IQCK: variants seen among roughly 807,000 people sequenced by gnomAD.
IQCK encodes IQ domain-containing protein K.
In IQCK, 29 loss-of-function variants were observed where a neutral mutation model predicts 28.1. The ratio of observed to expected loss-of-function variants is 1.03; its 90% CI spans 0.77 to 1.41. IQCK has a LOEUF of 1.41. IQCK is among the 40% of genes most tolerant of loss of function. The probability of loss-of-function intolerance (pLI) is 0.00; values close to 1 mark genes in which losing one functional copy is unlikely to be tolerated. For missense variants in IQCK, 359 were observed against 314.7 expected, an observed-to-expected ratio of 1.14 and a Z score of -1.07; for synonymous variants, 113 against 115.1, an observed-to-expected ratio of 0.98 and a Z score of 0.12.
chr16:19,827,541 A>G (rs1348627245), downstream of IQCK, among the ~76,000 whole-genome samples: 1 of 152,184 alleles, frequency 6.6e-6, no homozygotes, highest in African/African-American at 2.4e-5. Flanking sequence ...GCGATGGCTA[A>G]TTTTATGTGT....
chr16:19,741,560 T>C (rs1439682973), intron 4 of IQCK, among the ~76,000 whole-genome samples: 4 of 152,224 alleles, frequency 2.6e-5, no homozygotes, highest in Non-Finnish European at 5.9e-5. Flanking sequence ...GTTGACATCC[T>C]ACAGATGAGC....
At chr16:19,851,839 C>T (rs2056487774) in intron 9 of IQCK, among the ~76,000 whole-genome samples, 1 of 152,190 alleles carries the variant, frequency 6.6e-6, no homozygotes, top group African/African-American at 2.4e-5. Context: ...CTTACTTCTT[C>T]TCTCCTGCCT....
chr16:19,740,440 T>TGAAGGTG (rs1445233481), intron 4 of IQCK, among the ~76,000 whole-genome samples: 3 of 152,186 alleles, frequency 2.0e-5, no homozygotes, highest in Admixed American at 2.0e-4. Context: ...AGAGCAGACC[T>TGAAGGTG]TCAGCCTGGC....
At chr16:19,758,725 A>G (rs1268190239) in intron 4 of IQCK, among the ~76,000 whole-genome samples, 1 of 152,202 alleles carries the variant, frequency 6.6e-6, no homozygotes, top group Admixed American at 6.6e-5. Flanking sequence ...GGTCTGATAC[A>G]TACATTTTAT....
intron 7 of IQCK, among the ~76,000 whole-genome samples, chr16:19,813,294 A>G (rs763056004): frequency 1.5e-4 from 23 of 152,244 alleles, no homozygotes; most frequent in Non-Finnish European, 2.9e-4. Context: ...AGCAATATTC[A>G]TAGAGATATT....
Position 19,763,349 on chromosome 16 carries a change from GAGA to G in IQCK, c.475-496_475-494del, listed in dbSNP as rs2055177576. On this transcript the variant is annotated intron_variant, in intron 4 of 7. Transcript: ENST00000564186. The stretch of plus-strand genomic sequence containing the variant: ...TCCTCATCTTCAGGTTTAGTAGGCT[GAGA>G]AGGAGGAGGAAGAGGAAGAATTGGT... 3.3e-5 allele frequency among the ~76,000 whole-genome samples: 5 copies of G among 152,316 alleles called. 1 individual carries two copies. The highest frequency in any genetic ancestry group is 9.6e-5 in the African/African-American group (4 of 41,572).
chr16:19,820,823 C>A (rs571754700), intron 7 of IQCK, among the ~76,000 whole-genome samples: 2 of 152,112 alleles, frequency 1.3e-5, no homozygotes, highest in South Asian at 4.2e-4. Flanking sequence ...TACAACTCAA[C>A]AACAAAATGA....
At chr16:19,849,711 G>A (rs2056456891) in intron 9 of IQCK, among the ~76,000 whole-genome samples, 1 of 151,474 alleles carries the variant, frequency 6.6e-6, no homozygotes, top group Non-Finnish European at 1.5e-5. Context: ...GCAGTGAGCT[G>A]TGATTGCACC....
chr16:19,775,509 T>A (rs1386203807), intron 6 of IQCK, among the ~76,000 whole-genome samples: 1 of 152,196 alleles, frequency 6.6e-6, no homozygotes, highest in East Asian at 1.9e-4. Context: ...TTAACTTACA[T>A]CGCAACCCTA....
At chr16:19,731,877 GT>G (rs1180302464) in intron 2 of IQCK, among the ~76,000 whole-genome samples, 1 of 152,202 alleles carries the variant, frequency 6.6e-6, no homozygotes, top group Non-Finnish European at 1.5e-5. Context: ...AGAAACAACA[GT>G]GTAACTACCA....
intron 9 of IQCK, among the ~76,000 whole-genome samples, chr16:19,837,848 A>G (rs2056316527): frequency 2.0e-5 from 3 of 152,190 alleles, no homozygotes; most frequent in African/African-American, 7.2e-5. Context: ...AAGCCCTAAT[A>G]CTATGGATTA....
chr16:19,851,653 G>A (rs776880118), intron 9 of IQCK, among the ~76,000 whole-genome samples: 22 of 152,252 alleles, frequency 1.4e-4, no homozygotes, highest in Non-Finnish European at 3.1e-4. Flanking sequence ...AAGGGCTGGC[G>A]TATCTCTCTC....
chr16:19,819,726 C>T (rs551097210), intron 7 of IQCK: 1 of 152,092 alleles, frequency 6.6e-6, no homozygotes, highest in African/African-American at 2.4e-5. Context: ...AACGTCCATA[C>T]ATTTTGGCCG....
intron 9 of IQCK, among the ~76,000 whole-genome samples, chr16:19,842,415 C>T (rs975539862): frequency 6.6e-6 from 1 of 152,084 alleles, no homozygotes; most frequent in African/African-American, 2.4e-5. Flanking sequence ...AAATTTGGTT[C>T]CCATGGTTTT....
chr16:19,844,704 G>C (rs1202417289), intron 9 of IQCK, among the ~76,000 whole-genome samples: 2 of 152,158 alleles, frequency 1.3e-5, no homozygotes, highest in Admixed American at 1.3e-4. Flanking sequence ...AAACTCAAAG[G>C]ATGTTAATTC....
chr16:19,829,917 T>G (rs763810671), downstream of IQCK, among the ~76,000 whole-genome samples: 1 of 152,212 alleles, frequency 6.6e-6, no homozygotes, highest in Non-Finnish European at 1.5e-5. Context: ...ATAGGACACA[T>G]TGACATCATG....
intron 6 of IQCK, among the ~76,000 whole-genome samples, chr16:19,772,696 T>C (rs950782969): frequency 3.3e-5 from 5 of 152,176 alleles, no homozygotes; most frequent in Non-Finnish European, 7.3e-5. Flanking sequence ...TTTTAAAATT[T>C]CCATAACAAA....
intron 6 of IQCK, among the ~76,000 whole-genome samples, chr16:19,774,592 G>A (rs1361972932): frequency 3.9e-5 from 6 of 151,950 alleles, no homozygotes; most frequent in Admixed American, 3.9e-4. Context: ...TGGAACTCCT[G>A]AGCTCAAGTA....
chr16:19,738,593 TG>T (rs1324854947), intron 4 of IQCK, among the ~76,000 whole-genome samples: 3 of 152,304 alleles, frequency 2.0e-5, no homozygotes, highest in Non-Finnish European at 4.4e-5. Flanking sequence ...CTTCCTTCCA[TG>T]TAAAATGAGG....
Sources: gnomAD v4.1 joint callset for allele counts (sites outside exome capture counted in the v4.1 genomes callset) on GRCh38, gnomAD v4.1.1 for gene constraint, MANE v1.5 for transcripts, NCBI Gene and HGNC (gene_info 2026-07-23, HGNC 2026-07-21) for gene names.